ANTXRL: variants seen among roughly 807,000 people sequenced by gnomAD.
ANTXRL encodes ANTXR like.
A neutral mutation model predicts 75.4 loss-of-function variants in ANTXRL; 63 were observed. The observed-to-expected ratio is 0.84, with a 90% CI of 0.68 to 1.03. ANTXRL has a LOEUF of 1.03. Among genes scored for constraint, ANTXRL ranks in the 50% least tolerant of loss-of-function variants. The probability of loss-of-function intolerance (pLI) is 0.00; values close to 1 mark genes in which losing one functional copy is unlikely to be tolerated. For missense variants in ANTXRL, 797 were observed against 789.4 expected, an observed-to-expected ratio of 1.01 and a Z score of -0.12; for synonymous variants, 335 against 291.3, an observed-to-expected ratio of 1.15 and a Z score of -1.53.
intron 16 of ANTXRL, among the ~76,000 whole-genome samples, chr10:46,321,528 G>A (rs1414214338): frequency 3.3e-5 from 5 of 152,126 alleles, no homozygotes; most frequent in African/African-American, 1.2e-4. Context: ...TGTGGGTGGT[G>A]ACAAGGACTC....
At chr10:46,291,577 A>C (rs1836985469) in intron 1 of ANTXRL, among the ~76,000 whole-genome samples, 1 of 152,108 alleles carries the variant, frequency 6.6e-6, no homozygotes, top group Non-Finnish European at 1.5e-5. Context: ...TGTGTCTTTA[A>C]ATTCTTTCAG....
At chr10:46,295,503 A>AGAGTTG (rs1554958311) in intron 3 of ANTXRL, among the ~76,000 whole-genome samples, 1 of 112,874 alleles carries the variant, frequency 8.9e-6, no homozygotes, top group African/African-American at 3.1e-5. Flanking sequence ...AGTTAGAGTT[A>AGAGTTG]GAGTTAGGAA....
intron 1 of ANTXRL, among the ~76,000 whole-genome samples, chr10:46,291,027 A>C (rs1836960541): frequency 6.6e-6 from 1 of 152,106 alleles, no homozygotes; most frequent in African/African-American, 2.4e-5. Context: ...TAATGTCATA[A>C]AAGTTATGTT....
In ANTXRL at chr10:46,291,976, C is replaced by T. The variant is rs1295672780; in HGVS notation, c.249-82C>T. 61 of 1,330,710 alleles carry T rather than the reference C, an allele frequency of 4.6e-5. 1 individual carries two copies. In the Admixed American group the frequency reaches 5.9e-4, roughly 13 times the overall value. 82.4% of individuals were successfully genotyped at this position (1,330,710 alleles called of 1,614,324 possible). ...GTCAGGAGAGCTTGTTAAGAGCCTG[C>T]TGGGAGGCTGGGGGCGGGGCAGACA... On this transcript the variant is annotated intron_variant, in intron 1 of 16. Coordinates refer to ENST00000620264, the MANE Select transcript of ANTXRL (RefSeq NM_001278688.3).
At chr10:46,304,375 A>C (rs1837945132) in intron 10 of ANTXRL, among the ~76,000 whole-genome samples, 2 of 152,144 alleles carry the variant, frequency 1.3e-5, no homozygotes, top group Non-Finnish European at 2.9e-5. Context: ...TAAAGAAGAC[A>C]TAGGCTTTTA....
intron 3 of ANTXRL, among the ~76,000 whole-genome samples, 170 bp from the exon 4 acceptor site, chr10:46,295,849 A>G (rs1398182663): frequency 6.6e-6 from 1 of 152,120 alleles, no homozygotes; most frequent in Non-Finnish European, 1.5e-5. Context: ...AAGGGCTTGA[A>G]ATCTCTGGTC....
At position 46,311,581 on chromosome 10, in the gene ANTXRL, G is replaced by A. The variant is rs1427417809; in HGVS notation, c.1245G>A (p.Pro415=). The change falls in exon 15 of 17, where the codon CCG becomes CCA. Residue 415 remains proline, a synonymous_variant. Transcript: ENST00000620264. Reference sequence around the variant, plus strand: ...CTCCACCACCTCCACTCCCGCCTCCGCCCCCAGCTCCTGTAAACACCTGCC... The same window carrying A: ...CTCCACCACCTCCACTCCCGCCTCCACCCCCAGCTCCTGTAAACACCTGCC... The part of the protein sequence containing the change: ...PPPPPPPLPP[P]PPAPVNTCPT... The A allele has an allele frequency of 1.0e-5, 15 of 1,498,146 alleles. No homozygotes were observed. The highest frequency in any genetic ancestry group is 1.3e-5 in the Non-Finnish European group (14 of 1,112,480). The allele number at this position is 1,498,146 out of a possible 1,614,324, so 92.8% of individuals were successfully genotyped here.
intron 16 of ANTXRL, among the ~76,000 whole-genome samples, chr10:46,314,369 G>A (rs1221419924): frequency 6.6e-6 from 1 of 152,056 alleles, no homozygotes; most frequent in African/African-American, 2.4e-5. Flanking sequence ...GTCCCATAAG[G>A]CCTCTCCACG....
At chr10:46,329,566 A>G in intron 16 of ANTXRL, 33 bp from the exon 17 acceptor site, 1 of 1,526,186 alleles carries the variant, frequency 6.6e-7, no homozygotes, top group Non-Finnish European at 8.8e-7. Flanking sequence ...GAATGCCATC[A>G]CGGTGACCTT....
intron 5 of ANTXRL, among the ~76,000 whole-genome samples, chr10:46,297,019 G>A (rs1487587589): frequency 6.6e-6 from 1 of 152,136 alleles, no homozygotes; most frequent in Non-Finnish European, 1.5e-5. Flanking sequence ...GCCCCTCTCA[G>A]CCCCTTCTCT....
At chr10:46,298,777 G>A (rs1264415446) in intron 9 of ANTXRL, among the ~76,000 whole-genome samples, 1 of 151,518 alleles carries the variant, frequency 6.6e-6, no homozygotes, top group Non-Finnish European at 1.5e-5. Context: ...ATTTATGTGT[G>A]TGTGTGGTGT....
chr10:46,300,908 G>C lies in ANTXRL; in HGVS notation c.797-1814G>C, dbSNP rs1454528456. Among the ~76,000 whole-genome samples the C allele has an allele frequency of 9.2e-5, 14 of 151,946 alleles. 1 individual carries two copies. The highest frequency in any genetic ancestry group is 3.4e-4 in the African/African-American group (14 of 41,314). ...AACCTGTAGGTGAGTGGAAAGGATTGTACAATGAACACAAACACATCTCTA... is the reference window on the plus strand; with the variant it reads ...AACCTGTAGGTGAGTGGAAAGGATTCTACAATGAACACAAACACATCTCTA... On this transcript the variant is annotated intron_variant, in intron 9 of 16. Transcript: ENST00000620264.
intron 16 of ANTXRL, among the ~76,000 whole-genome samples, chr10:46,319,410 G>C (rs181143457): frequency 6.6e-6 from 1 of 152,148 alleles, no homozygotes; most frequent in Non-Finnish European, 1.5e-5. Context: ...ACACATCGAA[G>C]ATTTTAGAGG....
chr10:46,289,987 A>G (rs1836914934), intron 1 of ANTXRL, among the ~76,000 whole-genome samples: 1 of 149,582 alleles, frequency 6.7e-6, no homozygotes, highest in South Asian at 2.1e-4. Flanking sequence ...TCAGAATTTC[A>G]TCCCTTTTAT....
At chr10:46,307,984 G>A (rs1838193488) in intron 12 of ANTXRL, among the ~76,000 whole-genome samples, 1 of 152,162 alleles carries the variant, frequency 6.6e-6, no homozygotes, top group Admixed American at 6.5e-5. Context: ...TCGGACCCGA[G>A]CTCAGCTCCA....
intron 9 of ANTXRL, among the ~76,000 whole-genome samples, chr10:46,298,771 A>ATG (rs148609400): frequency 2.1e-5 from 3 of 142,436 alleles, no homozygotes; most frequent in Non-Finnish European, 4.6e-5. Flanking sequence ...TTTGCTATTT[A>ATG]TGTGTGTGTG....
chr10:46,288,949 G>A (rs2132631849), intron 1 of ANTXRL, among the ~76,000 whole-genome samples: 1 of 152,286 alleles, frequency 6.6e-6, no homozygotes, highest in South Asian at 2.1e-4. Flanking sequence ...CTAAGGAGGA[G>A]GCAATGAGCC....
At chr10:46,317,484 T>C (rs1461003463) in intron 16 of ANTXRL, among the ~76,000 whole-genome samples, 2 of 152,184 alleles carry the variant, frequency 1.3e-5, no homozygotes, top group East Asian at 3.8e-4. Context: ...TTCATGACCA[T>C]GGAGCTCCTG....
intron 16 of ANTXRL, among the ~76,000 whole-genome samples, chr10:46,324,250 A>C (rs1839108267): frequency 2.0e-5 from 3 of 152,206 alleles, no homozygotes; most frequent in Non-Finnish European, 4.4e-5. Flanking sequence ...CCTGGGAAAA[A>C]TAGAAAAGGC....
Sources: gnomAD v4.1 joint callset for allele counts (sites outside exome capture counted in the v4.1 genomes callset) on GRCh38, gnomAD v4.1.1 for gene constraint, MANE v1.5 for transcripts, NCBI Gene and HGNC (gene_info 2026-07-23, HGNC 2026-07-21) for gene names.